The following NHLH1 variants were observed in gnomAD, a reference collection of about 807,000 sequenced individuals.
NHLH1 encodes the protein helix-loop-helix protein 1.
In NHLH1, 3 loss-of-function variants were observed where a neutral mutation model predicts 6.7. That is an observed-to-expected ratio of 0.44 (90% CI 0.20 to 1.15). The LOEUF (loss-of-function observed/expected upper bound fraction) is 1.15. NHLH1 is among the 50% of genes most tolerant of loss of function. The pLI is 0.26. For missense variants in NHLH1, 177 were observed against 189.5 expected (o/e 0.93, Z 0.39); for synonymous variants, 92 against 84.2 (o/e 1.09, Z -0.51).
At position 160,370,922 on chromosome 1, in the gene NHLH1, A is replaced by C. The variant is rs764470158; in HGVS notation, c.191A>C (p.Glu64Ala). The C allele has an allele frequency of 6.7e-5, 108 of 1,607,746 alleles. 2 individuals carry two copies. In the South Asian group the frequency reaches 1.2e-3, roughly 18 times the overall value. The change falls in exon 2 of 2, where the codon GAG becomes GCG. Residue 64 changes from glutamate to alanine, a missense_variant. Glu to Ala is a moderately radical substitution (Grantham distance 107). Coordinates refer to ENST00000302101, the MANE Select transcript of NHLH1 (RefSeq NM_005598.4). ...GRKDLQHLSR[E>A]ERRRRRRATA... ...AAAGACCTGCAGCATCTGAGCCGCG[A>C]GGAGCGCCGGCGCCGGCGCCGCGCC...
At chr1:160,367,705 G>C (rs1251163735) in intron 1 of NHLH1, among the ~76,000 whole-genome samples, 1 of 152,124 alleles carries the variant, frequency 6.6e-6, no homozygotes, top group East Asian at 1.9e-4. Context: ...AGATGAGACT[G>C]GGGCCAGATG....
rs745452581 is a variant in NHLH1, at chr1:160,371,123, T to C, written c.392T>C (p.Leu131Pro). The C allele has an allele frequency of 1.2e-6, 2 of 1,608,488 alleles. No homozygotes were observed. Among genetic ancestry groups the C allele is most frequent in the Non-Finnish European group, 1.7e-6 (2 of 1,176,924 alleles). Residue 131 changes from leucine (L) to proline (P), a missense_variant, in exon 2 of 2, where the codon CTG becomes CCG. Physicochemically the swap from Leu to Pro is moderately conservative, Grantham distance 98. Coordinates refer to ENST00000302101, the MANE Select transcript of NHLH1 (RefSeq NM_005598.4). ...TATATCTCCTACCTGAACCACGTGC[T>C]GGACGTCTGAACTCAGCCTGTCTCC... ...ICYISYLNHV[L>P]DV
rs1649610608 is a variant in NHLH1, at chr1:160,370,921, G to C, written c.190G>C (p.Glu64Gln). 2 of 1,608,342 alleles carry C rather than the reference G, an allele frequency of 1.2e-6. No homozygotes were observed. The highest frequency in any genetic ancestry group is 8.5e-7 in the Non-Finnish European group (1 of 1,177,140). The change falls in exon 2 of 2, where the codon GAG (glutamate) becomes CAG (glutamine). Residue 64 changes from glutamate to glutamine, a missense_variant. Coordinates refer to ENST00000302101, the MANE Select transcript of NHLH1 (RefSeq NM_005598.4). ...GAAAGACCTGCAGCATCTGAGCCGC[G>C]AGGAGCGCCGGCGCCGGCGCCGCGC... ...GRKDLQHLSR[E>Q]ERRRRRRATA... is the part of the protein sequence containing the mutation.
rs1017831874 is a variant in NHLH1 at position 160,371,103 on chromosome 1, C to A, written c.372C>A (p.Ile124=). The part of the protein sequence containing the change: ...IEILRLAICY[I]SYLNHVLDV The stretch of plus-strand genomic sequence containing the variant: ...TTCTGCGCCTGGCCATCTGCTATAT[C>A]TCCTACCTGAACCACGTGCTGGACG... The change falls in exon 2 of 2, where the codon ATC becomes ATA. Residue 124 remains isoleucine (I), a synonymous_variant. Transcript: ENST00000302101. The A allele has an allele frequency of 7.4e-6, 12 of 1,612,986 alleles. No individual in the cohort carries two copies. Among genetic ancestry groups the A allele is most frequent in the Admixed American group, 5.0e-5 (3 of 59,848 alleles).
chr1:160,370,742 A>C lies in NHLH1; in HGVS notation c.11A>C (p.Asn4Thr). 2 of 1,612,690 alleles carry C rather than the reference A, an allele frequency of 1.2e-6. No individual in the cohort carries two copies. Among genetic ancestry groups the C allele is most frequent in the South Asian group, 2.2e-5 (2 of 90,970 alleles). The change falls in exon 2 of 2, where the codon AAC (asparagine) becomes ACC (threonine). Residue 4 changes from asparagine (N) to threonine (T), a missense_variant. Coordinates refer to ENST00000302101, the MANE Select transcript of NHLH1 (RefSeq NM_005598.4). ...CAGGGGGCTTCCATCATGATGCTCAACTCAGACACCATGGAGCTGGACCTG... is the reference window on the plus strand; with the variant it reads ...CAGGGGGCTTCCATCATGATGCTCACCTCAGACACCATGGAGCTGGACCTG... Reference protein sequence around the residue: MMLNSDTMELDLPP... With the variant: MMLTSDTMELDLPP...
intron 1 of NHLH1, among the ~76,000 whole-genome samples, chr1:160,369,972 T>C (rs1649586894): frequency 6.6e-6 from 1 of 152,120 alleles, no homozygotes; most frequent in South Asian, 2.1e-4. Context: ...GTTATTTGAT[T>C]TTTTGCTGTT....
intron 1 of NHLH1, among the ~76,000 whole-genome samples, chr1:160,367,816 T>A (rs1366106264): frequency 1.3e-5 from 2 of 152,016 alleles, no homozygotes; most frequent in African/African-American, 4.8e-5. Flanking sequence ...ATGTGATAAA[T>A]GTGTTGGGAA....
chr1:160,370,573 C>A lies in NHLH1; in HGVS notation c.-159C>A. On this transcript the variant is annotated 5_prime_UTR_variant, in exon 2 of 2. In the 5' UTR this introduces an upstream ATG that the reference lacks. Transcript: ENST00000302101. ...CTTTTTCAGGCTTCAGACTGGCACC[C>A]TGACCATGGAACCCTGAAGTGGCAG... The A allele has an allele frequency of 1.5e-6, 1 of 656,862 alleles. No individual in the cohort carries two copies. Among genetic ancestry groups the A allele is most frequent in the Non-Finnish European group, 2.6e-6 (1 of 379,188 alleles). 40.7% of individuals were successfully genotyped at this position (656,862 alleles called of 1,614,324 possible).
intron 1 of NHLH1, among the ~76,000 whole-genome samples, chr1:160,369,519 A>G (rs1040147542): frequency 3.9e-5 from 6 of 152,174 alleles, no homozygotes; most frequent in Non-Finnish European, 8.8e-5. Flanking sequence ...ACTGTTTTCC[A>G]TAGTGGTTGC....
chr1:160,371,263 A>G lies in NHLH1; in HGVS notation c.*130A>G. On this transcript the variant is annotated 3_prime_UTR_variant, in exon 2 of 2. Transcript: ENST00000302101. ...TCCCAAAGGCCCTGGGCACAGGCAGAGAGCCCACCGGCTGGTCATGAGGGC... is the reference window on the plus strand; with the variant it reads ...TCCCAAAGGCCCTGGGCACAGGCAGGGAGCCCACCGGCTGGTCATGAGGGC... The G allele has an allele frequency of 7.1e-7, 1 of 1,416,592 alleles. No individual in the cohort carries two copies. Among genetic ancestry groups the G allele is most frequent in the Non-Finnish European group, 9.3e-7 (1 of 1,070,272 alleles). The allele number at this position is 1,416,592 out of a possible 1,614,324, so 87.8% of individuals were successfully genotyped here. A position where few individuals can be genotyped will look rare whatever the true frequency, so the allele number is the denominator to read the frequency against.
rs548683795 is a variant in NHLH1 at position 160,371,013 on chromosome 1, C to A, written c.282C>A (p.Ala94=). 2 of 1,614,092 alleles carry A rather than the reference C, an allele frequency of 1.2e-6. No individual in the cohort carries two copies. The highest frequency in any genetic ancestry group is 1.7e-6 in the Non-Finnish European group (2 of 1,179,966). The change falls in exon 2 of 2, where the codon GCC becomes GCA. Residue 94 remains alanine, a synonymous_variant. Coordinates refer to ENST00000302101, the MANE Select transcript of NHLH1 (RefSeq NM_005598.4). ...ERIRVEAFNL[A]FAELRKLLPT... is the part of the protein sequence containing the mutation. ...TCCGCGTGGAAGCCTTCAACCTGGCCTTCGCCGAGCTGCGCAAGCTGCTGC... is the reference window on the plus strand; with the variant it reads ...TCCGCGTGGAAGCCTTCAACCTGGCATTCGCCGAGCTGCGCAAGCTGCTGC...
rs1280748363 is a variant in NHLH1 at position 160,370,865 on chromosome 1, C to G, written c.134C>G (p.Ala45Gly). 2 of 1,605,874 alleles carry G rather than the reference C, an allele frequency of 1.2e-6. No homozygotes were observed. The highest frequency in any genetic ancestry group is 1.7e-5 in the Admixed American group (1 of 59,098). The change falls in exon 2 of 2, where the codon GCC (alanine) becomes GGC (glycine). Residue 45 changes from alanine (A) to glycine (G), a missense_variant. Ala to Gly is a moderately conservative substitution (Grantham distance 60, BLOSUM62 0). Coordinates refer to ENST00000302101, the MANE Select transcript of NHLH1 (RefSeq NM_005598.4). ...CCTGGGGGTCCGGGAGGGGGCCAGG[C>G]CCGAGGCCCAGAGCCGGGAGAGCCT... ...AGPGGPGGGQ[A>G]RGPEPGEPGR...
chr1:160,370,648 T>C lies in NHLH1; in HGVS notation c.-84T>C. The C allele has an allele frequency of 1.4e-6, 2 of 1,410,062 alleles. No individual in the cohort carries two copies. The highest frequency in any genetic ancestry group is 1.4e-5 in the African/African-American group (1 of 70,832). 87.3% of individuals were successfully genotyped at this position (1,410,062 alleles called of 1,614,324 possible). On this transcript the variant is annotated 5_prime_UTR_variant, in exon 2 of 2. Coordinates refer to ENST00000302101, the MANE Select transcript of NHLH1 (RefSeq NM_005598.4). ...CCCCACGACCCTTCCTCCCCCTTCC[T>C]CCCCCTCCCACCACCAGCTTTCAAG... is the stretch of plus-strand genomic sequence containing the variant.
chr1:160,370,846 G>T lies in NHLH1; in HGVS notation c.115G>T (p.Gly39Cys). Residue 39 changes from glycine (G) to cysteine (C), a missense_variant, in exon 2 of 2, where the codon GGT becomes TGT. Physicochemically the swap from Gly to Cys is radical, Grantham distance 159. Coordinates refer to ENST00000302101, the MANE Select transcript of NHLH1 (RefSeq NM_005598.4). Reference protein sequence around the residue: ...GAGPDGAGPGGPGGGQARGPE... With the variant: ...GAGPDGAGPGCPGGGQARGPE... ...GGGCCCTGATGGTGCCGGGCCTGGG[G>T]GTCCGGGAGGGGGCCAGGCCCGAGG... 6.2e-7 allele frequency: 1 copy of T among 1,606,670 alleles called. No homozygotes were observed. The highest frequency in any genetic ancestry group is 8.5e-7 in the Non-Finnish European group (1 of 1,177,206).
At position 160,369,079 on chromosome 1, in the gene NHLH1, C is replaced by T. The variant is rs550028118; in HGVS notation, c.-175-1478C>T. Among the ~76,000 whole-genome samples, 110 of 152,196 alleles carry T rather than the reference C, an allele frequency of 7.2e-4. 1 individual carries two copies. Among genetic ancestry groups the T allele is most frequent in the African/African-American group, 2.6e-3 (106 of 41,498 alleles). ...ATCCTGCAAATGTATAATTCTATAC[C>T]CACTAAACAACAACTCCCCTTTACC... On this transcript the variant is annotated intron_variant, in intron 1 of 1. Transcript: ENST00000302101.
chr1:160,368,577 G>C (rs772209928), intron 1 of NHLH1, among the ~76,000 whole-genome samples: 15 of 152,204 alleles, frequency 9.9e-5, no homozygotes, highest in Admixed American at 3.9e-4. Flanking sequence ...TGGAGGAAGA[G>C]GCTGGTTGTG....
At position 160,370,862 on chromosome 1, in the gene NHLH1, A is replaced by G; in HGVS notation, c.131A>G (p.Gln44Arg). ...GAGPGGPGGG[Q>R]ARGPEPGEPG... Reference sequence around the variant, plus strand: ...GGGCCTGGGGGTCCGGGAGGGGGCCAGGCCCGAGGCCCAGAGCCGGGAGAG... The same window carrying G: ...GGGCCTGGGGGTCCGGGAGGGGGCCGGGCCCGAGGCCCAGAGCCGGGAGAG... Residue 44 changes from glutamine (Q) to arginine (R), a missense_variant, in exon 2 of 2, where the codon CAG (glutamine) becomes CGG (arginine). By Grantham distance (43) the Gln-to-Arg change is conservative. Coordinates refer to ENST00000302101, the MANE Select transcript of NHLH1 (RefSeq NM_005598.4). The G allele has an allele frequency of 1.2e-6, 2 of 1,605,352 alleles. No individual in the cohort carries two copies. Among genetic ancestry groups the G allele is most frequent in the Non-Finnish European group, 1.7e-6 (2 of 1,176,400 alleles).
chr1:160,370,595 G>A lies in NHLH1; in HGVS notation c.-137G>A. The A allele has an allele frequency of 1.4e-6, 1 of 740,426 alleles. No homozygotes were observed. Among genetic ancestry groups the A allele is most frequent in the South Asian group, 1.9e-5 (1 of 53,502 alleles). The allele number at this position is 740,426 out of a possible 1,614,324, so 45.9% of individuals were successfully genotyped here. Reference sequence around the variant, plus strand: ...ACCCTGACCATGGAACCCTGAAGTGGCAGTGACTTCTAGAGCTCAGTGGCA... The same window carrying A: ...ACCCTGACCATGGAACCCTGAAGTGACAGTGACTTCTAGAGCTCAGTGGCA... On this transcript the variant is annotated 5_prime_UTR_variant, in exon 2 of 2. Coordinates refer to ENST00000302101, the MANE Select transcript of NHLH1 (RefSeq NM_005598.4).
intron 1 of NHLH1, among the ~76,000 whole-genome samples, chr1:160,368,448 TTGGGCTATGGGA>T (rs1649543277): frequency 1.3e-5 from 2 of 152,224 alleles, no homozygotes; most frequent in Admixed American, 1.3e-4. Context: ...TGAACCTTCC[TTGGGCTATGGGA>T]GAGTATGGGG....
Sources: gnomAD v4.1 joint callset for allele counts (sites outside exome capture counted in the v4.1 genomes callset) on GRCh38, gnomAD v4.1.1 for gene constraint, MANE v1.5 for transcripts, NCBI Gene and HGNC (gene_info 2026-07-23, HGNC 2026-07-21) for gene names.